The following RHOA variants were observed in gnomAD, a reference collection of about 807,000 sequenced individuals.
The protein encoded by RHOA is transforming protein RhoA.
A neutral mutation model predicts 17.5 loss-of-function variants in RHOA; 3 were observed. That is an observed-to-expected ratio of 0.17 (90% confidence interval 0.08 to 0.44). RHOA has a LOEUF of 0.44. RHOA is among the 20% of genes least tolerant of loss of function. The pLI, the probability that RHOA is intolerant of heterozygous loss-of-function variation, is 0.99. For synonymous variants in RHOA, 98 were observed against 88.4 expected (o/e 1.11, Z -0.61); for missense variants, 56 against 242.3 (o/e 0.23, Z 5.10).
At position 49,387,670 on chromosome 3, in the gene RHOA, G is replaced by A. The variant is rs1049092901; in HGVS notation, c.-2-12079C>T. Reference sequence around the variant, plus strand: ...TGAGGTAGGAGAATGGTGTGAACCCGGGAGCAGAGGTTGCAGTGAGATCAC... The same window carrying A: ...TGAGGTAGGAGAATGGTGTGAACCCAGGAGCAGAGGTTGCAGTGAGATCAC... On this transcript the variant is annotated intron_variant, in intron 1 of 4. Coordinates refer to ENST00000418115, the MANE Select transcript of RHOA (RefSeq NM_001664.4). Among the ~76,000 whole-genome samples, 10 of 150,774 alleles carry A rather than the reference G, an allele frequency of 6.6e-5. No individual in the cohort carries two copies. In the Middle Eastern group the frequency reaches 0.01, roughly 155 times the overall value.
intron 1 of RHOA, among the ~76,000 whole-genome samples, chr3:49,392,695 T>C (rs928639389): frequency 3.9e-5 from 6 of 152,092 alleles, no homozygotes; most frequent in Non-Finnish European, 8.8e-5. Flanking sequence ...CTGACCATAT[T>C]CAATGCTCAA....
At chr3:49,375,620 C>A (rs1391331879) in intron 1 of RHOA, 29 bp from the exon 2 acceptor site, 6 of 1,606,984 alleles carry the variant, frequency 3.7e-6, no homozygotes, top group Non-Finnish European at 5.1e-6. Flanking sequence ...ATATTACCTG[C>A]AATGCACAAG....
At position 49,384,394 on chromosome 3, in the gene RHOA, T is replaced by C. The variant is rs2048364749; in HGVS notation, c.-2-8803A>G. On this transcript the variant is annotated intron_variant, in intron 1 of 4. Transcript: ENST00000418115. ...CAGACGTGTCATTTTCCAGGCTAGGTTTAGTCTCAGAAATAACTTATAAGT... is the reference window on the plus strand; with the variant it reads ...CAGACGTGTCATTTTCCAGGCTAGGCTTAGTCTCAGAAATAACTTATAAGT... Among the ~76,000 whole-genome samples the C allele has an allele frequency of 2.6e-5, 4 of 152,194 alleles. No homozygotes were observed. In the South Asian group the frequency reaches 8.3e-4, roughly 31 times the overall value.
intron 1 of RHOA, among the ~76,000 whole-genome samples, chr3:49,389,677 T>C (rs564439163): frequency 3.3e-5 from 5 of 150,862 alleles, no homozygotes; most frequent in African/African-American, 1.2e-4. Flanking sequence ...CGCGGTGGCT[T>C]ACGCCTGTAA....
chr3:49,375,648 C>G (rs2048214214), intron 1 of RHOA, 57 bp from the exon 2 acceptor site: 1 of 1,553,596 alleles, frequency 6.4e-7, no homozygotes, highest in Non-Finnish European at 8.8e-7. Flanking sequence ...AGGTAGCTTA[C>G]AGGATGACAC....
At chr3:49,366,584 C>T (rs1559496697) in intron 3 of RHOA, 2 of 152,168 alleles carry the variant, frequency 1.3e-5, no homozygotes, top group African/African-American at 4.8e-5. Flanking sequence ...GCCTGGGCAA[C>T]AGAGCGAGAC....
chr3:49,368,636 A>G (rs539862770), intron 2 of RHOA, 88 bp from the exon 3 acceptor site: 4 of 1,408,270 alleles, frequency 2.8e-6, no homozygotes, highest in Admixed American at 1.9e-5. Context: ...GTACATTGAA[A>G]TGGCAGACCA....
At chr3:49,385,307 G>GCCT (rs1394028777) in intron 1 of RHOA, among the ~76,000 whole-genome samples, 1 of 145,470 alleles carries the variant, frequency 6.9e-6, no homozygotes, top group African/African-American at 2.5e-5. Flanking sequence ...TGCAACCTCC[G>GCCT]CCTCCCAGGT....
At chr3:49,374,632 G>C (rs1239215355) in intron 2 of RHOA, among the ~76,000 whole-genome samples, 1 of 152,082 alleles carries the variant, frequency 6.6e-6, no homozygotes, top group African/African-American at 2.4e-5. Context: ...TGAGGCAAAA[G>C]AATTGCTTGA....
chr3:49,369,037 T>TTTGTTGTTG (rs1553632065), intron 2 of RHOA, among the ~76,000 whole-genome samples: 1 of 94,810 alleles, frequency 1.1e-5, no homozygotes, highest in African/African-American at 4.3e-5. Context: ...TTTTTTTTTT[T>TTTGTTGTTG]TTGTTGAGAC....
At chr3:49,378,170 TAAAAA>T (rs71627382) in intron 1 of RHOA, among the ~76,000 whole-genome samples, 6 of 90,450 alleles carry the variant, frequency 6.6e-5, no homozygotes, top group Admixed American at 5.4e-4. Context: ...AACTGTGTCT[TAAAAA>T]AAAAAAAAAA....
intron 1 of RHOA, among the ~76,000 whole-genome samples, chr3:49,376,131 A>G (rs1460492297): frequency 6.6e-6 from 1 of 151,612 alleles, no homozygotes; most frequent in Non-Finnish European, 1.5e-5. Context: ...GTGAGCCACC[A>G]CGCCTGGCCT....
chr3:49,399,045 A>G lies in RHOA; in HGVS notation c.-3+12775T>C, dbSNP rs531781843. Among the ~76,000 whole-genome samples the G allele has an allele frequency of 2.9e-3, 311 of 108,770 alleles. 4 individuals are homozygous for G. The highest frequency in any genetic ancestry group is 0.011 in the African/African-American group (289 of 27,122). 71.4% of individuals were successfully genotyped at this position (108,770 alleles called of 152,430 possible). The stretch of plus-strand genomic sequence containing the variant: ...ACTCCAGCCTGCGTGACAGAGCAAG[A>G]CTCCGTCTCAAAAAAAAAAAAAAAA... On this transcript the variant is annotated intron_variant, in intron 1 of 4. Coordinates refer to ENST00000418115, the MANE Select transcript of RHOA (RefSeq NM_001664.4).
Position 49,359,475 on chromosome 3 carries a change from A to G in RHOA, c.*734T>C, listed in dbSNP as rs1315156429. 5.2e-6 allele frequency: 1 copy of G among 193,506 alleles called. No individual in the cohort carries two copies. The highest frequency in any genetic ancestry group is 1.1e-5 in the Non-Finnish European group (1 of 92,608). 12.0% of individuals were successfully genotyped at this position (193,506 alleles called of 1,614,324 possible). ...TGGCCATCTTTTATCAGAAAAAGTG[A>G]CAAAACGGGAATTTAAAAAATGAAT... On this transcript the variant is annotated 3_prime_UTR_variant, in exon 5 of 5. Transcript: ENST00000418115.
chr3:49,387,009 C>A (rs1228606411), intron 1 of RHOA, among the ~76,000 whole-genome samples: 1 of 148,186 alleles, frequency 6.7e-6, no homozygotes, highest in African/African-American at 2.5e-5. Flanking sequence ...CCCAGCTACT[C>A]AGGAGGCTGA....
intron 4 of RHOA, 137 bp downstream of exon 4, chr3:49,362,359 G>C (rs2047986329): frequency 1.3e-6 from 1 of 784,138 alleles, no homozygotes; most frequent in Non-Finnish European, 1.9e-6. Flanking sequence ...CAATTAATGA[G>C]GGTCAGAGGG....
intron 1 of RHOA, among the ~76,000 whole-genome samples, chr3:49,404,725 T>TG (rs1161676756): frequency 7.1e-6 from 1 of 139,902 alleles, no homozygotes; most frequent in Admixed American, 7.4e-5. Flanking sequence ...GCTCAGGAGA[T>TG]GGAGACCAGC....
At chr3:49,375,884 G>C (rs1483811360) in intron 1 of RHOA, among the ~76,000 whole-genome samples, 1 of 151,680 alleles carries the variant, frequency 6.6e-6, no homozygotes, top group African/African-American at 2.4e-5. Context: ...GTCTCACTCT[G>C]TCGCCCAGGC....
Position 49,362,109 on chromosome 3 carries a change from C to T in RHOA, c.408+387G>A, listed in dbSNP as rs551877494. ...GTCTGAGGCAGAAGAATCGCTTGAACCCCGGAGGCGGAGGTTGCAGTGAGC... is the reference window on the plus strand; with the variant it reads ...GTCTGAGGCAGAAGAATCGCTTGAATCCCGGAGGCGGAGGTTGCAGTGAGC... On this transcript the variant is annotated intron_variant, in intron 4 of 4. Transcript: ENST00000418115. Among the ~76,000 whole-genome samples, 11 of 151,808 alleles carry T rather than the reference C, an allele frequency of 7.2e-5. No homozygotes were observed. The South Asian group carries it at 2.1e-3, about 29-fold the overall frequency.
Sources: allele counts gnomAD v4.1 joint callset (sites outside exome capture counted in the v4.1 genomes callset), GRCh38; gene constraint gnomAD v4.1.1; transcripts MANE v1.5; gene names NCBI Gene and HGNC (gene_info 2026-07-23, HGNC 2026-07-21).